RXFP1: variants seen among roughly 807,000 people sequenced by gnomAD.
RXFP1 encodes relaxin receptor 1.
RXFP1 carries 73 observed loss-of-function variants against 89.8 expected under a neutral mutation model. The observed-to-expected ratio is 0.81, with a 90% CI of 0.67 to 0.99. The LOEUF is 0.99. Among genes scored for constraint, RXFP1 ranks in the 50% least tolerant of loss-of-function variants. The pLI, the probability that RXFP1 is intolerant of heterozygous loss-of-function variation, is 0.00. For missense variants in RXFP1, 793 were observed against 895.5 expected (o/e 0.89, Z 1.46); for synonymous variants, 277 against 305.5 (o/e 0.91, Z 0.97).
At chr4:158,544,072 A>G (rs888279725) in intron 1 of RXFP1, 2 of 982,520 alleles carry the variant, frequency 2.0e-6, no homozygotes, top group African/African-American at 1.7e-5. Context: ...AAATGTCTAT[A>G]AAGAGAAGAA....
intron 6 of RXFP1, among the ~76,000 whole-genome samples, chr4:158,608,279 CTTTTTTTTTTTTTT>C (rs756131500): frequency 2.6e-5 from 2 of 76,102 alleles, no homozygotes; most frequent in African/African-American, 6.5e-5. Flanking sequence ...GTATTCCTTT[CTTTTTTTTTTTTTT>C]TTTTTTTTTT....
At chr4:158,521,806 G>T, upstream of RXFP1, 2 of 550,234 alleles carry the variant, frequency 3.6e-6, no homozygotes, top group Non-Finnish European at 3.2e-6. Flanking sequence ...GAAAAAAAGA[G>T]GAATGGAAAG....
At chr4:158,621,639 A>G (rs1390941806) in intron 9 of RXFP1, among the ~76,000 whole-genome samples, 1 of 152,232 alleles carries the variant, frequency 6.6e-6, no homozygotes, top group Non-Finnish European at 1.5e-5. Flanking sequence ...TTTTAAACCT[A>G]TGGAATCGTG....
intron 11 of RXFP1, among the ~76,000 whole-genome samples, chr4:158,629,731 G>A (rs1288052712): frequency 2.0e-5 from 3 of 151,846 alleles, no homozygotes; most frequent in Non-Finnish European, 2.9e-5. Flanking sequence ...GGACTCAAGT[G>A]ATCCTCCCAC....
chr4:158,633,324 A>G, intron 11 of RXFP1, 81 bp from the exon 12 acceptor site: 1 of 907,942 alleles, frequency 1.1e-6, no homozygotes, highest in African/African-American at 1.7e-5. Flanking sequence ...GAAAAGTTGT[A>G]TAGTGGTTTC....
intron 9 of RXFP1, among the ~76,000 whole-genome samples, chr4:158,625,018 C>T (rs1172895718): frequency 6.6e-6 from 1 of 152,044 alleles, no homozygotes; most frequent in Non-Finnish European, 1.5e-5. Flanking sequence ...AAAACAGTTA[C>T]GTAAGTAACT....
chr4:158,626,108 CTATATAGATAGATAGATAGA>C (rs1447398253), intron 9 of RXFP1, among the ~76,000 whole-genome samples: 72 of 110,570 alleles, frequency 6.5e-4, no homozygotes, highest in African/African-American at 2.6e-3. Context: ...ATTTAGATAT[CTATATAGATAGATAGATAGA>C]TAGATAGATA....
intron 1 of RXFP1, among the ~76,000 whole-genome samples, chr4:158,553,344 C>G (rs995920715): frequency 6.6e-6 from 1 of 152,122 alleles, no homozygotes; most frequent in Non-Finnish European, 1.5e-5. Flanking sequence ...AAGGGATACA[C>G]AACAGCATGT....
In RXFP1 at chr4:158,652,627, T is replaced by G. The variant is rs1772940243; in HGVS notation, c.*572T>G. On this transcript the variant is annotated 3_prime_UTR_variant, in exon 18 of 18. Coordinates refer to ENST00000307765, the MANE Select transcript of RXFP1 (RefSeq NM_021634.4). ...ACCTCTCTTTAAGTTTCCATACACTTGAGAGCCAACACAACATATTTATTA... is the reference window on the plus strand; with the variant it reads ...ACCTCTCTTTAAGTTTCCATACACTGGAGAGCCAACACAACATATTTATTA... The G allele has an allele frequency of 1.3e-5, 2 of 152,206 alleles. No homozygotes were observed. Among genetic ancestry groups the G allele is most frequent in the African/African-American group, 4.8e-5 (2 of 41,462 alleles). The allele number at this position is 152,206 out of a possible 1,614,324, so 9.4% of individuals were successfully genotyped here.
Position 158,612,166 on chromosome 4 carries a change from G to A in RXFP1, c.573G>A (p.Pro191=), listed in dbSNP as rs552270930. Residue 191 remains proline, a synonymous_variant, in exon 7 of 18, where the codon CCG becomes CCA. Transcript: ENST00000307765. ...LSHNRITFLK[P]GVFEDLHRLE... is the part of the protein sequence containing the mutation. ...ATAACAGAATAACCTTCCTGAAGCC[G>A]GGTGTTTTTGAAGATCTTCACAGAC... 67 of 1,611,148 alleles carry A rather than the reference G, an allele frequency of 4.2e-5. No individual in the cohort carries two copies. Among genetic ancestry groups the A allele is most frequent in the East Asian group, 1.3e-4 (6 of 44,770 alleles).
At chr4:158,544,094 A>C (rs1227322568) in intron 1 of RXFP1, 10 of 979,964 alleles carry the variant, frequency 1.0e-5, no homozygotes, top group Non-Finnish European at 1.2e-5. Context: ...TAACAAGAGA[A>C]CCATCTTTTT....
intron 2 of RXFP1, among the ~76,000 whole-genome samples, chr4:158,573,585 G>A (rs772357795): frequency 1.3e-5 from 2 of 152,130 alleles, no homozygotes; most frequent in Non-Finnish European, 2.9e-5. Flanking sequence ...GTGGTCCAGG[G>A]AAGCCCAAAG....
At chr4:158,596,551 C>T (rs1041334115) in intron 3 of RXFP1, among the ~76,000 whole-genome samples, 1 of 152,124 alleles carries the variant, frequency 6.6e-6, no homozygotes, top group Non-Finnish European at 1.5e-5. Context: ...TGAGCCACTG[C>T]GCCTGGTCTA....
intron 1 of RXFP1, among the ~76,000 whole-genome samples, chr4:158,566,080 T>C (rs1008122866): frequency 2.0e-5 from 3 of 152,210 alleles, no homozygotes; most frequent in Non-Finnish European, 4.4e-5. Context: ...CAAGGAGCGA[T>C]TCCAAACCAG....
chr4:158,622,129 G>C (rs1320017108), intron 9 of RXFP1, among the ~76,000 whole-genome samples: 1 of 152,110 alleles, frequency 6.6e-6, no homozygotes, highest in Non-Finnish European at 1.5e-5. Flanking sequence ...TGGCCAACAT[G>C]ATGAAACCCC....
At chr4:158,602,314 C>G (rs1761837860) in intron 4 of RXFP1, among the ~76,000 whole-genome samples, 1 of 152,096 alleles carries the variant, frequency 6.6e-6, no homozygotes, top group South Asian at 2.1e-4. Context: ...TTTCAATGAG[C>G]CTCACTTTCC....
intron 1 of RXFP1, among the ~76,000 whole-genome samples, chr4:158,543,221 T>G (rs1225439443): frequency 1.3e-5 from 2 of 152,138 alleles, no homozygotes; most frequent in Non-Finnish European, 2.9e-5. Context: ...CCTTTCCTGT[T>G]CCTCCATTCT....
chr4:158,597,288 A>C (rs1760813953), intron 3 of RXFP1, among the ~76,000 whole-genome samples: 1 of 152,200 alleles, frequency 6.6e-6, no homozygotes, highest in Non-Finnish European at 1.5e-5. Flanking sequence ...TCTCAAGGGC[A>C]ATATAATGGA....
intron 17 of RXFP1, among the ~76,000 whole-genome samples, chr4:158,651,140 A>G (rs1221171718): frequency 1.3e-5 from 2 of 152,116 alleles, no homozygotes; most frequent in Non-Finnish European, 2.9e-5. Context: ...AAAAACATAA[A>G]AACAAAGAGT....
Sources: gnomAD v4.1 joint callset for allele counts (sites outside exome capture counted in the v4.1 genomes callset) on GRCh38, gnomAD v4.1.1 for gene constraint, MANE v1.5 for transcripts, NCBI Gene and HGNC (gene_info 2026-07-23, HGNC 2026-07-21) for gene names.